Variants in TMPRSS4 observed in about 807,000 individuals in gnomAD.
TMPRSS4 encodes transmembrane serine protease 4, also known as transmembrane protease serine 4.
TMPRSS4 carries 45 observed loss-of-function variants against 56.4 expected under a neutral mutation model. That is an observed-to-expected ratio of 0.80 (90% CI 0.63 to 1.02). TMPRSS4 has a LOEUF of 1.02. Among genes scored for constraint, TMPRSS4 ranks in the 50% least tolerant of loss-of-function variants. TMPRSS4 has a pLI of 0.00. For synonymous variants in TMPRSS4, 205 were observed against 211.0 expected (o/e 0.97, Z 0.25); for missense variants, 546 against 556.7 (o/e 0.98, Z 0.19).
chr11:118,079,043 A>T (rs1361462193), intron 1 of TMPRSS4, among the ~76,000 whole-genome samples: 3 of 151,990 alleles, frequency 2.0e-5, no homozygotes, highest in Non-Finnish European at 4.4e-5. Context: ...GGAGCTGGGC[A>T]TTGCTGGAGG....
intron 1 of TMPRSS4, among the ~76,000 whole-genome samples, chr11:118,084,011 C>T (rs955456520): frequency 1.3e-4 from 20 of 152,262 alleles, no homozygotes; most frequent in African/African-American, 4.8e-4. Context: ...GCACTCCAGC[C>T]TGGGCAACAG....
chr11:118,085,765 G>A (rs189911135), intron 1 of TMPRSS4, among the ~76,000 whole-genome samples: 10 of 152,172 alleles, frequency 6.6e-5, no homozygotes, highest in Non-Finnish European at 1.3e-4. Flanking sequence ...TGGCCCTCTC[G>A]AGTCCCCTCC....
rs778181374 is a variant in TMPRSS4 at position 118,113,297 on chromosome 11, G to T, written c.772G>T (p.Val258Leu). 1.2e-6 allele frequency: 2 copies of T among 1,614,106 alleles called. No homozygotes were observed. The highest frequency in any genetic ancestry group is 1.7e-6 in the Non-Finnish European group (2 of 1,180,018). The change falls in exon 9 of 13, where the codon GTG becomes TTG. Residue 258 changes from valine (V) to leucine (L), a missense_variant. Coordinates refer to ENST00000437212, the MANE Select transcript of TMPRSS4 (RefSeq NM_019894.4). The part of the protein sequence containing the change: ...RKHTDVFNWK[V>L]RAGSDKLGSF... ...ACATACCGATGTGTTCAACTGGAAG[G>T]TGCGGGCAGGCTCAGACAAACTGGG...
chr11:118,105,834 T>G (rs1482616663), intron 5 of TMPRSS4: 1 of 152,188 alleles, frequency 6.6e-6, no homozygotes, highest in African/African-American at 2.4e-5. Context: ...CACAGAACTC[T>G]CTCCCATGGA....
intron 3 of TMPRSS4, 191 bp from the exon 4 acceptor site, chr11:118,102,910 A>T (rs1946789473): frequency 1.5e-6 from 1 of 669,658 alleles, no homozygotes; most frequent in Non-Finnish European, 2.6e-6. Context: ...GGCCGGTGTT[A>T]CTATCTCCAC....
downstream of TMPRSS4, among the ~76,000 whole-genome samples, chr11:118,124,303 T>C (rs1356330695): frequency 1.3e-5 from 2 of 152,152 alleles, no homozygotes; most frequent in Non-Finnish European, 2.9e-5. Flanking sequence ...GAGAATTGCT[T>C]GAACCCGGGA....
At chr11:118,101,205 G>A (rs148766653) in intron 3 of TMPRSS4, among the ~76,000 whole-genome samples, 6 of 152,210 alleles carry the variant, frequency 3.9e-5, no homozygotes, top group East Asian at 1.9e-4. Flanking sequence ...AATTCTCCAC[G>A]TCCCTGTTTG....
rs566142678 is a variant in TMPRSS4, at chr11:118,082,509, C to T, written c.3+5204C>T. Among the ~76,000 whole-genome samples, 46 of 151,116 alleles carry T rather than the reference C, an allele frequency of 3.0e-4. 2 individuals are homozygous for T. The highest frequency in any genetic ancestry group is 6.6e-5 in the Admixed American group (1 of 15,152). ...CCAGGAGGCAGAGGTTGCAGTAAGC[C>T]GAGATCACACCACTGCACTCCAGCC... On this transcript the variant is annotated intron_variant, in intron 1 of 12. Transcript: ENST00000437212.
chr11:118,078,136 C>T (rs959107146), intron 1 of TMPRSS4, among the ~76,000 whole-genome samples: 49 of 152,036 alleles, frequency 3.2e-4, no homozygotes, highest in African/African-American at 1.2e-3. Context: ...CATGCCCTCA[C>T]CCTCTCTCCT....
chr11:118,107,671 C>G, intron 5 of TMPRSS4, 103 bp from the exon 6 acceptor site: 1 of 927,858 alleles, frequency 1.1e-6, no homozygotes. Flanking sequence ...CCCCACCAAG[C>G]ATTCTCTGCC....
chr11:118,097,148 T>G (rs991987525), intron 2 of TMPRSS4, among the ~76,000 whole-genome samples: 3 of 151,912 alleles, frequency 2.0e-5, no homozygotes, highest in Non-Finnish European at 2.9e-5. Context: ...GTTGAGCAAT[T>G]GCTGTGGACC....
intron 3 of TMPRSS4, 172 bp downstream of exon 3, chr11:118,099,270 C>T: frequency 1.8e-6 from 1 of 545,176 alleles, no homozygotes; most frequent in Non-Finnish European, 3.3e-6. Flanking sequence ...CAGCCCCGCC[C>T]CTCCCATTAT....
chr11:118,094,760 G>T lies in TMPRSS4; in HGVS notation c.4-56G>T. On this transcript the variant is annotated intron_variant, in intron 1 of 12. Coordinates refer to ENST00000437212, the MANE Select transcript of TMPRSS4 (RefSeq NM_019894.4). ...AAGACCCAAGAACCTCCCGTAGGCT[G>T]CTAGCCCCAGCCTGAGAGGCTCCCT... 6 of 1,557,568 alleles carry T rather than the reference G, an allele frequency of 3.9e-6. No individual in the cohort carries two copies. The Admixed American group carries it at 7.2e-5, about 19-fold the overall frequency.
chr11:118,116,243 C>A (rs115769050), intron 11 of TMPRSS4, among the ~76,000 whole-genome samples: 1 of 152,134 alleles, frequency 6.6e-6, no homozygotes, highest in African/African-American at 2.4e-5. Flanking sequence ...CATGAGCCAT[C>A]GTGCTTGGCC....
chr11:118,088,929 T>C (rs1294666038), intron 1 of TMPRSS4, among the ~76,000 whole-genome samples: 2 of 152,220 alleles, frequency 1.3e-5, no homozygotes, highest in African/African-American at 4.8e-5. Context: ...GTTTCAGCTT[T>C]GCATCTTCTG....
At chr11:118,098,031 A>G (rs1375323932) in intron 2 of TMPRSS4, among the ~76,000 whole-genome samples, 1 of 152,126 alleles carries the variant, frequency 6.6e-6, no homozygotes, top group Non-Finnish European at 1.5e-5. Context: ...CGGCCTCCCA[A>G]AGTGCTGGGA....
At chr11:118,105,747 C>T (rs1044925034) in intron 5 of TMPRSS4, 7 of 152,112 alleles carry the variant, frequency 4.6e-5, no homozygotes, top group Non-Finnish European at 8.8e-5. Context: ...CTTCAGGATT[C>T]TAACAGACTG....
At chr11:118,114,949 A>G (rs1947461434) in intron 10 of TMPRSS4, 22 bp downstream of exon 10, 4 of 1,580,434 alleles carry the variant, frequency 2.5e-6, no homozygotes, top group Non-Finnish European at 2.6e-6. Flanking sequence ...GTGCAGGACC[A>G]CAGGGCAGGA....
At chr11:118,094,086 G>C (rs1281705729) in intron 1 of TMPRSS4, among the ~76,000 whole-genome samples, 1 of 152,196 alleles carries the variant, frequency 6.6e-6, no homozygotes, top group African/African-American at 2.4e-5. Context: ...CTAATGAAGC[G>C]ACTATAAACT....
Sources: allele counts gnomAD v4.1 joint callset (sites outside exome capture counted in the v4.1 genomes callset), GRCh38; gene constraint gnomAD v4.1.1; transcripts MANE v1.5; gene names NCBI Gene and HGNC (gene_info 2026-07-23, HGNC 2026-07-21).